Variants in CFB observed in about 807,000 individuals in gnomAD.
CFB encodes the protein complement factor B.
CFB carries 59 observed loss-of-function variants against 97.2 expected under a neutral mutation model. The observed-to-expected ratio is 0.61, with a 90% CI of 0.49 to 0.75. The LOEUF is 0.75. Among genes scored for constraint, CFB ranks in the 30% least tolerant of loss-of-function variants. CFB has a pLI of 0.00. For missense variants in CFB, 771 were observed against 959.8 expected (o/e 0.80, Z 2.60); for synonymous variants, 316 against 351.7 (o/e 0.90, Z 1.14).
At position 31,950,726 on chromosome 6, in the gene CFB, G is replaced by GAT; in HGVS notation, c.1732_1733insAT (p.Ala578AspfsTer3). On this transcript the variant is annotated frameshift_variant, in exon 13 of 18. Coordinates refer to ENST00000425368, the MANE Select transcript of CFB (RefSeq NM_001710.6). LOFTEE classifies it high-confidence loss of function. Reference sequence around the variant, plus strand: ...TCCTGAATTTTATGACTATGACGTTGCCCTGATCAAGCTCAAGAATAAGCT... The same window carrying GAT: ...TCCTGAATTTTATGACTATGACGTTGATCCCTGATCAAGCTCAAGAATAAGCT... The GAT allele has an allele frequency of 6.2e-7, 1 of 1,613,070 alleles. No homozygotes were observed. Among genetic ancestry groups the GAT allele is most frequent in the Non-Finnish European group, 8.5e-7 (1 of 1,180,038 alleles).
rs550068264 is a variant in CFB, at chr6:31,946,712, C to T, written c.298+106C>T. ...AGGCAGGGTGACAAGGTGGGCTGAC[C>T]GGGAGTAGGAGCAGTTTTAGGGTGG... On this transcript the variant is annotated intron_variant, in intron 2 of 17. Coordinates refer to ENST00000425368, the MANE Select transcript of CFB (RefSeq NM_001710.6). The surrounding 1 kb of genome is among the most constrained non-coding windows in gnomAD (Gnocchi z 6.4). 28 of 1,114,502 alleles carry T rather than the reference C, an allele frequency of 2.5e-5. No individual in the cohort carries two copies. In the African/African-American group the frequency reaches 3.4e-4, roughly 13 times the overall value. The allele number at this position is 1,114,502 out of a possible 1,614,324, so 69.0% of individuals were successfully genotyped here.
In CFB at chr6:31,952,004, C is replaced by T; in HGVS notation, c.2269C>T (p.Gln757Ter). ...GCTGCCCTGGCTGAAGGAGAAACTC[C>T]AAGATGAGGATTTGGGTTTTCTATA... ...QVLPWLKEKL[Q>*]DEDLGFL The change falls in exon 18 of 18, where the codon CAA (glutamine) becomes TAA (stop). Residue 757 changes from glutamine to a stop codon, truncating the protein, a stop_gained. Coordinates refer to ENST00000425368, the MANE Select transcript of CFB (RefSeq NM_001710.6). LOFTEE classifies it high-confidence loss of function. 6.2e-7 allele frequency: 1 copy of T among 1,612,984 alleles called. No homozygotes were observed. The highest frequency in any genetic ancestry group is 2.2e-5 in the East Asian group (1 of 44,882).
At chr6:31,949,838 T>G in intron 10 of CFB, 1 of 694,890 alleles carries the variant, frequency 1.4e-6, no homozygotes, top group Non-Finnish European at 2.5e-6. Flanking sequence ...AGGGTGGGCT[T>G]GAAAACAGCC....
intron 6 of CFB, 46 bp from the exon 7 acceptor site, chr6:31,948,327 AG>A: frequency 6.2e-7 from 1 of 1,613,514 alleles, no homozygotes; most frequent in Non-Finnish European, 8.5e-7. Flanking sequence ...TCCCAATCAC[AG>A]TATTCTATTT....
Position 31,946,243 on chromosome 6 carries a change from C to G in CFB, c.22C>G (p.Gln8Glu). The G allele has an allele frequency of 6.2e-7, 1 of 1,613,126 alleles. No individual in the cohort carries two copies. The highest frequency in any genetic ancestry group is 8.5e-7 in the Non-Finnish European group (1 of 1,180,038). Residue 8 changes from glutamine (Q) to glutamate (E), a missense_variant, in exon 1 of 18, where the codon CAA (glutamine) becomes GAA (glutamate). Coordinates refer to ENST00000425368, the MANE Select transcript of CFB (RefSeq NM_001710.6). The surrounding 1 kb of genome is among the most constrained non-coding windows in gnomAD (Gnocchi z 6.4). Reference protein sequence around the residue: MGSNLSPQLCLMPFILGL... With the variant: MGSNLSPELCLMPFILGL... ...CGCCATGGGGAGCAATCTCAGCCCCCAACTCTGCCTGATGCCCTTTATCTT... is the reference window on the plus strand; with the variant it reads ...CGCCATGGGGAGCAATCTCAGCCCCGAACTCTGCCTGATGCCCTTTATCTT...
chr6:31,948,407 C>G lies in CFB; in HGVS notation c.931C>G (p.Leu311Val), dbSNP rs1562627993. Residue 311 changes from leucine (L) to valine (V), a missense_variant, in exon 7 of 18, where the codon CTA becomes GTA. Transcript: ENST00000425368. ...ASYGVKPRYG[L>V]VTYATYPKIW... The stretch of plus-strand genomic sequence containing the variant: ...TTATGGTGTGAAGCCAAGATATGGT[C>G]TAGTGACATATGCCACATACCCCAA... 1.3e-5 allele frequency: 21 copies of G among 1,614,210 alleles called. No individual in the cohort carries two copies. Among genetic ancestry groups the G allele is most frequent in the Non-Finnish European group, 1.6e-5 (19 of 1,180,040 alleles).
rs1771484372 is a variant in CFB at position 31,947,203 on chromosome 6, T to A, written c.484+11T>A. On this transcript the variant is annotated intron_variant, in intron 3 of 17. Transcript: ENST00000425368. This position sits in a 1 kb window ranked among gnomAD's most constrained non-coding sequence, Gnocchi z 5.3. ...TCTGTGACAACGGAGGTGAGAAGCA[T>A]CCCCTCCCCCTACATTGCTGTCTCC... The A allele has an allele frequency of 6.2e-7, 1 of 1,612,342 alleles. No homozygotes were observed. The highest frequency in any genetic ancestry group is 1.3e-5 in the African/African-American group (1 of 74,822).
intron 6 of CFB, 88 bp from the exon 7 acceptor site, chr6:31,948,286 G>T: frequency 6.3e-7 from 1 of 1,582,458 alleles, no homozygotes; most frequent in South Asian, 1.1e-5. Flanking sequence ...CTTACTGAGA[G>T]CCTCCCTGTC....
rs371606935 is a variant in CFB at position 31,948,784 on chromosome 6, T to C, written c.1037-46T>C. 2.1e-5 allele frequency: 34 copies of C among 1,612,914 alleles called. No individual in the cohort carries two copies. The African/African-American group carries it at 4.0e-4, about 19-fold the overall frequency. On this transcript the variant is annotated intron_variant, in intron 7 of 17. Transcript: ENST00000425368. ...CAGATTGGTCTCTGGGGTTAAAAGA[T>C]GGCTTGGAAGACCAGGTGAGGTGAT... is the stretch of plus-strand genomic sequence containing the variant.
At position 31,946,652 on chromosome 6, in the gene CFB, G is replaced by T; in HGVS notation, c.298+46G>T. The T allele has an allele frequency of 2.6e-6, 4 of 1,540,046 alleles. No individual in the cohort carries two copies. Among genetic ancestry groups the T allele is most frequent in the Non-Finnish European group, 2.7e-6 (3 of 1,130,822 alleles). ...GGCAGTGGCCTAAGGCAGAAACAGG[G>T]CAGGCGGCAGCAAGGTCAGGACTAG... On this transcript the variant is annotated intron_variant, in intron 2 of 17. Transcript: ENST00000425368. This position sits in a 1 kb window ranked among gnomAD's most constrained non-coding sequence, Gnocchi z 6.4.
chr6:31,949,052 T>A (rs1771602706), intron 8 of CFB, 91 bp downstream of exon 8: 1 of 1,586,064 alleles, frequency 6.3e-7, no homozygotes, highest in Non-Finnish European at 8.6e-7. Context: ...ATACCCATGG[T>A]TGGGGCCCTG....
rs1771751889 is a variant in CFB, at chr6:31,951,268, G to A, written c.1956+24G>A. 3 of 1,613,264 alleles carry A rather than the reference G, an allele frequency of 1.9e-6. No homozygotes were observed. The highest frequency in any genetic ancestry group is 1.6e-4 in the Middle Eastern group (1 of 6,062). On this transcript the variant is annotated intron_variant, in intron 15 of 17. Coordinates refer to ENST00000425368, the MANE Select transcript of CFB (RefSeq NM_001710.6). The surrounding 1 kb of genome is among the most constrained non-coding windows in gnomAD (Gnocchi z 4.3). ...AGGTGAGAAACGGGCATCCTAAGGA[G>A]GCACTCTAGGCCCCAATCCTTCCTA...
At position 31,951,641 on chromosome 6, in the gene CFB, T is replaced by C; in HGVS notation, c.2139+37T>C. ...CTTTCCTATCTGGGGAGATGCCAAG[T>C]GGTCAGCATGGGCCCCAAAGCAGGA... On this transcript the variant is annotated intron_variant, in intron 17 of 17. Coordinates refer to ENST00000425368, the MANE Select transcript of CFB (RefSeq NM_001710.6). This position sits in a 1 kb window ranked among gnomAD's most constrained non-coding sequence, Gnocchi z 4.3. 1 of 1,613,530 alleles carries C rather than the reference T, an allele frequency of 6.2e-7. No homozygotes were observed. The highest frequency in any genetic ancestry group is 8.5e-7 in the Non-Finnish European group (1 of 1,179,432).
rs1771611814 is a variant in CFB at position 31,949,266 on chromosome 6, C to T, written c.1192C>T (p.Pro398Ser). 2.5e-6 allele frequency: 4 copies of T among 1,614,018 alleles called. No homozygotes were observed. Among genetic ancestry groups the T allele is most frequent in the Non-Finnish European group, 2.5e-6 (3 of 1,180,030 alleles). Residue 398 changes from proline to serine, a missense_variant, in exon 9 of 18, where the codon CCA becomes TCA. By Grantham distance (74) the Pro-to-Ser change is moderately conservative. Coordinates refer to ENST00000425368, the MANE Select transcript of CFB (RefSeq NM_001710.6). ...AGGATTGCACAACATGGGCGGGGAC[C>T]CAATTACTGTCATTGATGAGATCCG... ...TDGLHNMGGD[P>S]ITVIDEIRDL...
In CFB at chr6:31,947,071, C is replaced by T. The variant is rs1771471653; in HGVS notation, c.363C>T (p.Tyr121=). Residue 121 remains tyrosine, a synonymous_variant, in exon 3 of 18, where the codon TAC becomes TAT. Coordinates refer to ENST00000425368, the MANE Select transcript of CFB (RefSeq NM_001710.6). This position sits in a 1 kb window ranked among gnomAD's most constrained non-coding sequence, Gnocchi z 5.3. Reference sequence around the variant, plus strand: ...AATACTGGCCCCGGTCTCCCTACTACAATGTGAGTGATGAGATCTCTTTCC... The same window carrying T: ...AATACTGGCCCCGGTCTCCCTACTATAATGTGAGTGATGAGATCTCTTTCC... ...NGEYWPRSPY[Y]NVSDEISFHC... 16 of 1,613,030 alleles carry T rather than the reference C, an allele frequency of 9.9e-6. No homozygotes were observed. The highest frequency in any genetic ancestry group is 1.3e-5 in the Non-Finnish European group (15 of 1,180,026).
Position 31,951,111 on chromosome 6 carries a change from G to A in CFB, c.1856-33G>A, listed in dbSNP as rs572679062. The A allele has an allele frequency of 3.1e-6, 5 of 1,606,288 alleles. No individual in the cohort carries two copies. Among genetic ancestry groups the A allele is most frequent in the Admixed American group, 3.3e-5 (2 of 60,022 alleles). ...GGCAATGGGGAGATGACAGTGGTGGGAGCAGCTGAAGTGACGCAGTCTATT... is the reference window on the plus strand; with the variant it reads ...GGCAATGGGGAGATGACAGTGGTGGAAGCAGCTGAAGTGACGCAGTCTATT... On this transcript the variant is annotated intron_variant, in intron 14 of 17. Coordinates refer to ENST00000425368, the MANE Select transcript of CFB (RefSeq NM_001710.6). This position sits in a 1 kb window ranked among gnomAD's most constrained non-coding sequence, Gnocchi z 4.3.
Position 31,947,360 on chromosome 6 carries a change from C to G in CFB, c.497C>G (p.Ser166Cys). The change falls in exon 4 of 18, where the codon TCC becomes TGC. Residue 166 changes from serine to cysteine, a missense_variant. Physicochemically the swap from Ser to Cys is moderately radical, Grantham distance 112 (BLOSUM62 -1). Transcript: ENST00000425368. The surrounding 1 kb of genome is among the most constrained non-coding windows in gnomAD (Gnocchi z 5.3). ...AICDNGAGYC[S>C]NPGIPIGTRK... The stretch of plus-strand genomic sequence containing the variant: ...CATACCTCTGCAGCGGGGTACTGCT[C>G]CAACCCGGGCATCCCCATTGGCACA... 2 of 1,613,032 alleles carry G rather than the reference C, an allele frequency of 1.2e-6. No individual in the cohort carries two copies. The highest frequency in any genetic ancestry group is 2.7e-5 in the African/African-American group (2 of 75,042).
Position 31,947,683 on chromosome 6 carries a change from C to T in CFB, c.659-59C>T. On this transcript the variant is annotated intron_variant, in intron 4 of 17. Transcript: ENST00000425368. The surrounding 1 kb of genome is among the most constrained non-coding windows in gnomAD (Gnocchi z 5.3). Reference sequence around the variant, plus strand: ...CCTGGAAACCCATGATCCCCCGTCTCTTTGGTCACTGTATCCCTGACACTC... The same window carrying T: ...CCTGGAAACCCATGATCCCCCGTCTTTTTGGTCACTGTATCCCTGACACTC... 2.5e-6 allele frequency: 4 copies of T among 1,594,154 alleles called. No individual in the cohort carries two copies. The highest frequency in any genetic ancestry group is 1.1e-5 in the South Asian group (1 of 90,666).
chr6:31,949,062 G>T, intron 8 of CFB, 101 bp downstream of exon 8: 1 of 1,555,898 alleles, frequency 6.4e-7, no homozygotes, highest in South Asian at 1.1e-5. Flanking sequence ...TTGGGGCCCT[G>T]AATGTGACTC....
Sources: allele counts gnomAD v4.1 joint callset, GRCh38; gene constraint gnomAD v4.1.1; non-coding constraint Gnocchi (gnomAD v3.1); transcripts MANE v1.5; gene names NCBI Gene and HGNC (gene_info 2026-07-23, HGNC 2026-07-21).